The following TNFSF8 variants were observed in gnomAD, a reference collection of about 807,000 sequenced individuals.
TNFSF8 encodes TNF superfamily member 8.
Under a neutral mutation model 22.0 loss-of-function variants are expected in TNFSF8, and 4 were observed. That is an observed-to-expected ratio of 0.18 (90% confidence interval 0.09 to 0.42). The LOEUF is 0.42. Ranked by LOEUF, TNFSF8 falls within the 10% of genes least tolerant of loss-of-function variation. TNFSF8 has a pLI of 1.00. For missense variants in TNFSF8, 233 were observed against 281.8 expected (o/e 0.83, Z 1.24); for synonymous variants, 106 against 112.5 (o/e 0.94, Z 0.37).
At chr9:114,897,223 TA>T (rs1827665034), downstream of TNFSF8, among the ~76,000 whole-genome samples, 4 of 152,124 alleles carry the variant, frequency 2.6e-5, no homozygotes, top group Admixed American at 2.6e-4. Flanking sequence ...CTAAGAAAAA[TA>T]GAGGCTTTCA....
chr9:114,912,137 G>T (rs540270262), intron 2 of TNFSF8, among the ~76,000 whole-genome samples: 66 of 152,192 alleles, frequency 4.3e-4, no homozygotes, highest in Non-Finnish European at 8.2e-4. Context: ...AAATCATGCA[G>T]CCTCTTTGAA....
intron 2 of TNFSF8, 124 bp downstream of exon 2, chr9:114,917,972 C>T (rs1827940790): frequency 5.3e-6 from 5 of 947,544 alleles, no homozygotes; most frequent in East Asian, 2.8e-5. Context: ...CTTGCCTCCA[C>T]CCCTACCCAC....
intron 3 of TNFSF8, among the ~76,000 whole-genome samples, chr9:114,904,837 G>A (rs1827765111): frequency 6.6e-6 from 1 of 152,132 alleles, no homozygotes; most frequent in African/African-American, 2.4e-5. Context: ...TCCAATTTAG[G>A]TTTGAAGATG....
chr9:114,927,274 G>A (rs1828075445), intron 1 of TNFSF8, among the ~76,000 whole-genome samples: 1 of 151,572 alleles, frequency 6.6e-6, no homozygotes, highest in Non-Finnish European at 1.5e-5. Context: ...TTTTTTCAAG[G>A]CTTTAGAACA....
intron 3 of TNFSF8, 60 bp from the exon 4 acceptor site, chr9:114,904,385 A>C: frequency 6.5e-7 from 1 of 1,527,434 alleles, no homozygotes; most frequent in Non-Finnish European, 8.7e-7. Context: ...GCATTGCAAA[A>C]TTCTAAGTCT....
At chr9:114,909,348 G>C (rs1827824721) in intron 2 of TNFSF8, among the ~76,000 whole-genome samples, 1 of 152,198 alleles carries the variant, frequency 6.6e-6, no homozygotes, top group Non-Finnish European at 1.5e-5. Flanking sequence ...AGCAAAAAGT[G>C]ATGCCTGGAG....
Position 114,907,035 on chromosome 9 carries a change from G to A in TNFSF8, c.239-1136C>T, listed in dbSNP as rs114866712. On this transcript the variant is annotated intron_variant, in intron 2 of 3. Transcript: ENST00000223795. The stretch of plus-strand genomic sequence containing the variant: ...CCCTGGGATATTTGCTCACTGCATT[G>A]CCGAGTAGTACCTGCTGGGCTCACA... 3.0e-3 allele frequency among the ~76,000 whole-genome samples: 460 copies of A among 152,336 alleles called. 3 individuals carry two copies. The highest frequency in any genetic ancestry group is 0.01 in the African/African-American group (432 of 41,582).
chr9:114,909,918 C>T (rs1041274919), intron 2 of TNFSF8, among the ~76,000 whole-genome samples: 16 of 152,222 alleles, frequency 1.1e-4, no homozygotes, highest in African/African-American at 2.9e-4. Context: ...TTGGTGAACA[C>T]ATAACCCATG....
chr9:114,904,168 G>A lies in TNFSF8; in HGVS notation c.468C>T (p.Val156=), dbSNP rs759826410. Residue 156 remains valine (V), a synonymous_variant, in exon 4 of 4, where the codon GTC becomes GTT. Transcript: ENST00000223795. ...QFLVQCPNNS[V]DLKLELLINK... is the part of the protein sequence containing the mutation. ...TGATGAGAAGCTCCAACTTCAGATC[G>A]ACAGAATTATTTGGGCATTGTACAA... 8 of 1,614,060 alleles carry A rather than the reference G, an allele frequency of 5.0e-6. No individual in the cohort carries two copies. The highest frequency in any genetic ancestry group is 3.3e-5 in the South Asian group (3 of 91,066).
Position 114,902,672 on chromosome 9 carries a change from T to C in TNFSF8, c.*1259A>G, listed in dbSNP as rs1827732061. The C allele has an allele frequency of 1.0e-6, 1 of 985,256 alleles. No individual in the cohort carries two copies. The highest frequency in any genetic ancestry group is 6.2e-5 in the Admixed American group (1 of 16,246). 61.0% of individuals were successfully genotyped at this position (985,256 alleles called of 1,614,324 possible). On this transcript the variant is annotated 3_prime_UTR_variant, in exon 4 of 4. Transcript: ENST00000223795. The stretch of plus-strand genomic sequence containing the variant: ...CAGGTGTTACTAGTGTCTTCAATTA[T>C]ATACTGGGGTAGGGGGGCCTTATTT...
Position 114,929,095 on chromosome 9 carries a change from A to G in TNFSF8, c.195+1014T>C, listed in dbSNP as rs1001798518. Among the ~76,000 whole-genome samples the G allele has an allele frequency of 3.3e-5, 5 of 152,350 alleles. No homozygotes were observed. In the East Asian group the frequency reaches 7.7e-4, roughly 23 times the overall value. On this transcript the variant is annotated intron_variant, in intron 1 of 3. Transcript: ENST00000223795. Reference sequence around the variant, plus strand: ...CTTCATCAAAAAATTCATGAGCAATATATGCTATTACTACAGCATTTTCTA... The same window carrying G: ...CTTCATCAAAAAATTCATGAGCAATGTATGCTATTACTACAGCATTTTCTA...
intron 1 of TNFSF8, among the ~76,000 whole-genome samples, chr9:114,922,623 T>G (rs950379160): frequency 1.3e-5 from 2 of 152,214 alleles, no homozygotes; most frequent in African/African-American, 4.8e-5. Context: ...TGCTCTTCAA[T>G]GTCCTGCTAC....
At chr9:114,908,766 G>C (rs563754250) in intron 2 of TNFSF8, among the ~76,000 whole-genome samples, 7 of 152,280 alleles carry the variant, frequency 4.6e-5, no homozygotes, top group Admixed American at 1.3e-4. Flanking sequence ...AACACAGGCA[G>C]CCCTTTTAGG....
At chr9:114,909,054 C>T (rs756380876) in intron 2 of TNFSF8, among the ~76,000 whole-genome samples, 21 of 152,180 alleles carry the variant, frequency 1.4e-4, no homozygotes, top group Non-Finnish European at 2.8e-4. Context: ...ACACCTATGT[C>T]ACACTGTGAG....
rs564068981 is a variant in TNFSF8 at position 114,910,673 on chromosome 9, G to A, written c.239-4774C>T. Among the ~76,000 whole-genome samples, 11 of 152,262 alleles carry A rather than the reference G, an allele frequency of 7.2e-5. No homozygotes were observed. In the South Asian group the frequency reaches 2.3e-3, roughly 32 times the overall value. On this transcript the variant is annotated intron_variant, in intron 2 of 3. Coordinates refer to ENST00000223795, the MANE Select transcript of TNFSF8 (RefSeq NM_001244.4). Reference sequence around the variant, plus strand: ...GGGAGAATGCCAGCAGATGACTTCAGGCCCATGTGCTGAACACTGCCAAGT... The same window carrying A: ...GGGAGAATGCCAGCAGATGACTTCAAGCCCATGTGCTGAACACTGCCAAGT...
Position 114,903,856 on chromosome 9 carries a change from T to C in TNFSF8, c.*75A>G. 2.0e-6 allele frequency: 3 copies of C among 1,521,274 alleles called. No individual in the cohort carries two copies. The highest frequency in any genetic ancestry group is 2.6e-6 in the Non-Finnish European group (3 of 1,140,258). 94.2% of individuals were successfully genotyped at this position (1,521,274 alleles called of 1,614,324 possible). On this transcript the variant is annotated 3_prime_UTR_variant, in exon 4 of 4. Coordinates refer to ENST00000223795, the MANE Select transcript of TNFSF8 (RefSeq NM_001244.4). ...TTTGTCTTGGTCTAAAGTTTTCTTT[T>C]TGCCCAAGTGTTTGGAGGGATGAAA...
intron 2 of TNFSF8, among the ~76,000 whole-genome samples, chr9:114,914,652 G>A (rs1468832702): frequency 2.0e-5 from 3 of 152,146 alleles, no homozygotes; most frequent in Non-Finnish European, 4.4e-5. Context: ...TCAGATGAGG[G>A]TCCAATTGCT....
chr9:114,930,185 T>C lies in TNFSF8; in HGVS notation c.119A>G (p.Tyr40Cys). Residue 40 changes from tyrosine to cysteine, a missense_variant, in exon 1 of 4, where the codon TAT becomes TGT. By Grantham distance (194) the Tyr-to-Cys change is radical (BLOSUM62 -2). Transcript: ENST00000223795. ...CAGAGCCAGAGTGGCTGTGGTCAAA[T>C]AGAAATAGCTGCGGCTCGTGGTCCC... ...HLGTTSRSYF[Y>C]LTTATLALCL... 12 of 1,603,618 alleles carry C rather than the reference T, an allele frequency of 7.5e-6. No homozygotes were observed. Among genetic ancestry groups the C allele is most frequent in the Non-Finnish European group, 9.4e-6 (11 of 1,175,050 alleles).
intron 1 of TNFSF8, among the ~76,000 whole-genome samples, chr9:114,928,182 A>G (rs1026614685): frequency 1.3e-5 from 2 of 152,170 alleles, no homozygotes; most frequent in Non-Finnish European, 2.9e-5. Flanking sequence ...ATATCCAAAC[A>G]TGAGGGGTAA....
Sources: gnomAD v4.1 joint callset for allele counts (sites outside exome capture counted in the v4.1 genomes callset) on GRCh38, gnomAD v4.1.1 for gene constraint, MANE v1.5 for transcripts, NCBI Gene and HGNC (gene_info 2026-07-23, HGNC 2026-07-21) for gene names.